Variants in RELN observed in about 807,000 individuals in gnomAD.
The protein encoded by RELN is reelin.
A neutral mutation model predicts 427.6 loss-of-function variants in RELN; 108 were observed. The ratio of observed to expected loss-of-function variants is 0.25; its 90% CI spans 0.22 to 0.30. The LOEUF is 0.30. Ranked by LOEUF, RELN falls within the 10% of genes least tolerant of loss-of-function variation. The pLI is 1.00. For synonymous variants in RELN, 1,524 were observed against 1,513.4 expected (o/e 1.01, Z -0.16); for missense variants, 3,715 against 4,302.8 (o/e 0.86, Z 3.82).
chr7:103,808,416 G>A (rs262380), intron 3 of RELN, among the ~76,000 whole-genome samples: 151,173 of 152,132 alleles, frequency 0.99, 75,118 homozygotes, highest in East Asian at 1. Context: ...TATAATAATA[G>A]AAAACAAAAC....
intron 3 of RELN, among the ~76,000 whole-genome samples, chr7:103,831,923 A>G (rs1023770393): frequency 3.9e-5 from 6 of 152,180 alleles, no homozygotes; most frequent in Non-Finnish European, 7.4e-5. Context: ...GTGAGCTGAC[A>G]GACAAGTTAG....
intron 2 of RELN, among the ~76,000 whole-genome samples, chr7:103,912,119 A>C (rs1795381427): frequency 6.6e-6 from 1 of 152,176 alleles, no homozygotes; most frequent in Admixed American, 6.5e-5. Context: ...GTTTAAGAGA[A>C]AAAATTACAA....
At chr7:103,793,005 T>C (rs1179249205) in intron 3 of RELN, among the ~76,000 whole-genome samples, 2 of 152,184 alleles carry the variant, frequency 1.3e-5, no homozygotes, top group Admixed American at 1.3e-4. Flanking sequence ...TTTTAAATAC[T>C]GTGGTCCTTC....
intron 31 of RELN, 81 bp from the exon 32 acceptor site, chr7:103,566,840 C>T: frequency 1.5e-6 from 2 of 1,339,328 alleles, no homozygotes; most frequent in South Asian, 1.2e-5. Context: ...GGTGAGACTG[C>T]AGCAACCTCA....
chr7:103,687,638 C>T (rs1394595850), intron 10 of RELN, among the ~76,000 whole-genome samples: 1 of 152,036 alleles, frequency 6.6e-6, no homozygotes, highest in Non-Finnish European at 1.5e-5. Flanking sequence ...GTGCTAGGTG[C>T]CATGCTAGGT....
intron 11 of RELN, among the ~76,000 whole-genome samples, chr7:103,665,560 G>A (rs551017654): frequency 6.6e-6 from 1 of 152,156 alleles, no homozygotes; most frequent in African/African-American, 2.4e-5. Context: ...ACAAGAATCC[G>A]ATGTCTCTTT....
chr7:103,636,336 G>T lies in RELN; in HGVS notation c.2202C>A (p.Val734=), dbSNP rs1832579699. 6.2e-7 allele frequency: 1 copy of T among 1,613,912 alleles called. No individual in the cohort carries two copies. The change falls in exon 18 of 65, where the codon GTC becomes GTA. Residue 734 remains valine (V), a synonymous_variant. Coordinates refer to ENST00000428762, the MANE Select transcript of RELN (RefSeq NM_005045.4). Reference sequence around the variant, plus strand: ...TGGCCAAGACACCACAACCAAAGCTGACTTCAGCACCACGGATAGAGTAAA... The same window carrying T: ...TGGCCAAGACACCACAACCAAAGCTTACTTCAGCACCACGGATAGAGTAAA... ...HNFYSIRGAE[V]SFGCGVLASG...
chr7:103,493,476 G>A (rs1368648357), intron 57 of RELN, among the ~76,000 whole-genome samples: 2 of 152,186 alleles, frequency 1.3e-5, no homozygotes, highest in Non-Finnish European at 2.9e-5. Flanking sequence ...GTAGAAATGT[G>A]TAGGGGCTAT....
chr7:103,746,908 T>C (rs1157093221), intron 6 of RELN, among the ~76,000 whole-genome samples: 2 of 152,110 alleles, frequency 1.3e-5, no homozygotes, highest in African/African-American at 2.4e-5. Flanking sequence ...GCCATCCCAT[T>C]ACTGGGTATA....
intron 20 of RELN, among the ~76,000 whole-genome samples, chr7:103,616,805 A>G (rs1370098602): frequency 6.6e-6 from 1 of 152,190 alleles, no homozygotes; most frequent in East Asian, 1.9e-4. Context: ...CTTCAATTAT[A>G]AAAATTTGGT....
intron 4 of RELN, among the ~76,000 whole-genome samples, chr7:103,768,555 T>C (rs1791484344): frequency 1.3e-5 from 2 of 152,172 alleles, no homozygotes; most frequent in Admixed American, 6.5e-5. Flanking sequence ...TAGCAAACAT[T>C]CAGGGTTAAA....
At chr7:103,769,671 G>A (rs1038207589) in intron 4 of RELN, among the ~76,000 whole-genome samples, 1 of 152,162 alleles carries the variant, frequency 6.6e-6, no homozygotes, top group African/African-American at 2.4e-5. Flanking sequence ...AGTAGCCTCT[G>A]ACATCCAGAA....
chr7:103,842,183 G>A (rs1192158891), intron 2 of RELN, among the ~76,000 whole-genome samples: 1 of 151,740 alleles, frequency 6.6e-6, no homozygotes, highest in African/African-American at 2.4e-5. Flanking sequence ...AAATATCTAA[G>A]ATGATTTCCA....
chr7:103,860,015 C>T (rs1356209431), intron 2 of RELN, among the ~76,000 whole-genome samples: 2 of 152,126 alleles, frequency 1.3e-5, no homozygotes, highest in African/African-American at 4.8e-5. Context: ...AAGCTCTATC[C>T]TCTAAAGGCA....
chr7:103,690,764 A>ATT (rs1229691139), intron 10 of RELN, among the ~76,000 whole-genome samples: 1 of 152,076 alleles, frequency 6.6e-6, no homozygotes, highest in Non-Finnish European at 1.5e-5. Flanking sequence ...GTAGCACTAT[A>ATT]TTTATTGGTA....
At chr7:103,737,119 T>TAAA (rs57633165) in intron 6 of RELN, among the ~76,000 whole-genome samples, 4 of 152,036 alleles carry the variant, frequency 2.6e-5, no homozygotes, top group African/African-American at 9.7e-5. Flanking sequence ...TAAATGATAA[T>TAAA]TCCATAACCT....
At chr7:103,589,015 T>C (rs1831346155) in intron 28 of RELN, among the ~76,000 whole-genome samples, 1 of 152,242 alleles carries the variant, frequency 6.6e-6, no homozygotes, top group South Asian at 2.1e-4. Context: ...ATGTTGATGT[T>C]GTGTGTATGT....
intron 2 of RELN, among the ~76,000 whole-genome samples, chr7:103,870,049 T>A (rs1477479297): frequency 6.6e-6 from 1 of 152,122 alleles, no homozygotes; most frequent in Non-Finnish European, 1.5e-5. Context: ...TCATTCCAGC[T>A]TTTGCACTTT....
chr7:103,663,025 C>G (rs935207992), intron 11 of RELN, among the ~76,000 whole-genome samples: 3 of 105,518 alleles, frequency 2.8e-5, no homozygotes, highest in Admixed American at 1.8e-4. Context: ...TTCAAAGTCA[C>G]TAAAACATTC....
Sources: gnomAD v4.1 joint callset for allele counts (sites outside exome capture counted in the v4.1 genomes callset) on GRCh38, gnomAD v4.1.1 for gene constraint, MANE v1.5 for transcripts, NCBI Gene and HGNC (gene_info 2026-07-23, HGNC 2026-07-21) for gene names.